Variants in AKR1B15 observed in about 807,000 individuals in gnomAD.
The protein encoded by AKR1B15 is aldo-keto reductase family 1 member B15.
Under a neutral mutation model 38.5 loss-of-function variants are expected in AKR1B15, and 49 were observed. The ratio of observed to expected loss-of-function variants is 1.27; its 90% confidence interval spans 1.01 to 1.62. The LOEUF (loss-of-function observed/expected upper bound fraction) is 1.62. Among genes scored for constraint, AKR1B15 ranks in the 40% most tolerant of loss-of-function variants. The probability of loss-of-function intolerance (pLI) is 0.00; values close to 1 mark genes in which losing one functional copy is unlikely to be tolerated. For synonymous variants in AKR1B15, 137 were observed against 135.5 expected (o/e 1.01, Z -0.08); for missense variants, 411 against 381.6 (o/e 1.08, Z -0.64).
At chr7:134,565,186 C>T in intron 3 of AKR1B15, 1 of 369,062 alleles carries the variant, frequency 2.7e-6, no homozygotes, top group Non-Finnish European at 4.9e-6. Flanking sequence ...CTTGCTGCTG[C>T]TCACTCTTTG....
rs181642398 is a variant in AKR1B15 at position 134,578,124 on chromosome 7, C to G, written c.992+338C>G. Among the ~76,000 whole-genome samples the G allele has an allele frequency of 8.5e-4, 130 of 152,232 alleles. 1 individual carries two copies. The highest frequency in any genetic ancestry group is 3.0e-3 in the African/African-American group (123 of 41,514). On this transcript the variant is annotated intron_variant, in intron 11 of 11. Coordinates refer to ENST00000457545, the MANE Select transcript of AKR1B15 (RefSeq NM_001080538.3). ...TTTTCTAGGTGCTTGGGTTATCATACTGTACAAAGCTGCTGCCTCCACAGG... is the reference window on the plus strand; with the variant it reads ...TTTTCTAGGTGCTTGGGTTATCATAGTGTACAAAGCTGCTGCCTCCACAGG...
In AKR1B15 at chr7:134,571,809, C is replaced by T. The variant is rs187323393; in HGVS notation, c.513+128C>T. On this transcript the variant is annotated intron_variant, in intron 6 of 11. Coordinates refer to ENST00000457545, the MANE Select transcript of AKR1B15 (RefSeq NM_001080538.3). ...TCATCATTGTGATTCTCTAGCTCTT[C>T]TAATATCCTCCTCATCACCTTTGGC... 2.0e-3 allele frequency: 1,523 copies of T among 764,846 alleles called. 1 individual carries two copies. The highest frequency in any genetic ancestry group is 3.1e-3 in the Non-Finnish European group (1,397 of 454,332). The allele number at this position is 764,846 out of a possible 1,614,324, so 47.4% of individuals were successfully genotyped here.
At chr7:134,555,063 C>A (rs1794144754) in intron 1 of AKR1B15, among the ~76,000 whole-genome samples, 1 of 152,220 alleles carries the variant, frequency 6.6e-6, no homozygotes, top group Admixed American at 6.5e-5. Flanking sequence ...CCTTACCAGG[C>A]TGGGTTTTCA....
At chr7:134,577,111 C>G (rs1191363859) in intron 10 of AKR1B15, 65 bp downstream of exon 10, 6 of 1,474,058 alleles carry the variant, frequency 4.1e-6, no homozygotes, top group Admixed American at 1.7e-5. Context: ...GACCTTCTCA[C>G]TAGGCTTCTC....
chr7:134,555,775 A>C (rs535719274), intron 1 of AKR1B15, among the ~76,000 whole-genome samples: 13 of 152,158 alleles, frequency 8.5e-5, no homozygotes, highest in Non-Finnish European at 1.5e-4. Flanking sequence ...CAGAAGCCAA[A>C]CTGGATGTGG....
At chr7:134,577,872 G>C (rs1794799739) in intron 11 of AKR1B15, 86 bp downstream of exon 11, 1 of 1,455,782 alleles carries the variant, frequency 6.9e-7, no homozygotes, top group African/African-American at 1.4e-5. Flanking sequence ...GAAGGTTGTT[G>C]GGACTACTTG....
At chr7:134,567,569 C>G (rs1479185278) in intron 3 of AKR1B15, among the ~76,000 whole-genome samples, 2 of 151,976 alleles carry the variant, frequency 1.3e-5, no homozygotes, top group East Asian at 1.9e-4. Context: ...TCCATTTTGC[C>G]GACAAGGTTT....
At chr7:134,578,380 T>G (rs1254410094) in intron 11 of AKR1B15, among the ~76,000 whole-genome samples, 1 of 152,092 alleles carries the variant, frequency 6.6e-6, no homozygotes, top group Non-Finnish European at 1.5e-5. Context: ...TAACAGCAGG[T>G]GCAAAGTCCC....
intron 2 of AKR1B15, among the ~76,000 whole-genome samples, chr7:134,563,120 C>A (rs1161030394): frequency 6.6e-6 from 1 of 152,016 alleles, no homozygotes; most frequent in African/African-American, 2.4e-5. Context: ...GATACTGTTA[C>A]CCAAGAGAAC....
intron 7 of AKR1B15, 126 bp downstream of exon 7, chr7:134,575,668 G>A: frequency 6.3e-7 from 1 of 1,577,232 alleles, no homozygotes; most frequent in Non-Finnish European, 8.6e-7. Flanking sequence ...CTTTGGGGAG[G>A]TGTGAGGCTG....
rs191960014 is a variant in AKR1B15 at position 134,568,162 on chromosome 7, T to C, written c.155T>C (p.Leu52Pro). 1.2e-6 allele frequency: 2 copies of C among 1,614,050 alleles called. 1 individual carries two copies. Among genetic ancestry groups the C allele is most frequent in the Admixed American group, 3.3e-5 (2 of 60,030 alleles). Residue 52 changes from leucine (L) to proline (P), a missense_variant, in exon 4 of 12, where the codon CTT becomes CCT. Transcript: ENST00000457545. ...GPLLRPYPAS[L>P]LGKVKEAVKV... is the part of the protein sequence containing the mutation. ...GGCTTTTCTTTTGCTTTTCAGTCTC[T>C]TCTCGGCAAAGTGAAAGAAGCGGTG...
rs777975080 is a variant in AKR1B15 at position 134,567,735 on chromosome 7, T to C, written c.151-423T>C. ...TTAGAGTCAAGCTTTCATCTGGGTCTTCAGAAAGTTGTAGTGGAGCCATCT... is the reference window on the plus strand; with the variant it reads ...TTAGAGTCAAGCTTTCATCTGGGTCCTCAGAAAGTTGTAGTGGAGCCATCT... On this transcript the variant is annotated intron_variant, in intron 3 of 11. Coordinates refer to ENST00000457545, the MANE Select transcript of AKR1B15 (RefSeq NM_001080538.3). Among the ~76,000 whole-genome samples, 11 of 152,284 alleles carry C rather than the reference T, an allele frequency of 7.2e-5. No individual in the cohort carries two copies. In the South Asian group the frequency reaches 2.1e-3, roughly 29 times the overall value.
intron 6 of AKR1B15, among the ~76,000 whole-genome samples, chr7:134,572,094 CG>C (rs1562951008): frequency 6.6e-6 from 1 of 152,112 alleles, no homozygotes; most frequent in East Asian, 1.9e-4. Flanking sequence ...ATATATCTTT[CG>C]GGGTGTGATA....
intron 6 of AKR1B15, among the ~76,000 whole-genome samples, chr7:134,574,467 C>T (rs1188292491): frequency 6.6e-6 from 1 of 152,168 alleles, no homozygotes; most frequent in African/African-American, 2.4e-5. Context: ...CCTTCTCTGC[C>T]TTTCTGACTC....
intron 6 of AKR1B15, 50 bp from the exon 7 acceptor site, chr7:134,575,370 T>C: frequency 3.1e-6 from 5 of 1,590,088 alleles, no homozygotes; most frequent in Non-Finnish European, 4.3e-6. Flanking sequence ...CAAGCCAGGG[T>C]CCCTGTAGTC....
chr7:134,567,136 G>A (rs1183502531), intron 3 of AKR1B15, among the ~76,000 whole-genome samples: 3 of 152,164 alleles, frequency 2.0e-5, no homozygotes, highest in Non-Finnish European at 4.4e-5. Flanking sequence ...CCCGTTTCTT[G>A]CCCAGGTGGT....
Position 134,565,550 on chromosome 7 carries a change from A to T in AKR1B15, c.150+781A>T, listed in dbSNP as rs372379609. On this transcript the variant is annotated intron_variant, in intron 3 of 11. Coordinates refer to ENST00000457545, the MANE Select transcript of AKR1B15 (RefSeq NM_001080538.3). ...TGTGGGCCTGGGCACTTGGAGGGTA[A>T]ATATGCAAATCTTTGCACAACTTTC... 7 of 1,613,634 alleles carry T rather than the reference A, an allele frequency of 4.3e-6. No individual in the cohort carries two copies. The African/African-American group carries it at 9.3e-5, about 22-fold the overall frequency.
Position 134,564,763 on chromosome 7 carries a change from T to A in AKR1B15, c.144T>A (p.Tyr48Ter), listed in dbSNP as rs1396438458. The A allele has an allele frequency of 8.8e-6, 6 of 679,126 alleles. No individual in the cohort carries two copies. The highest frequency in any genetic ancestry group is 1.8e-5 in the African/African-American group (1 of 56,464). The allele number at this position is 679,126 out of a possible 1,614,324, so 42.1% of individuals were successfully genotyped here. The change falls in exon 3 of 12, where the codon TAT becomes TAA. Residue 48 changes from tyrosine to a stop codon, truncating the protein, a stop_gained. Coordinates refer to ENST00000457545, the MANE Select transcript of AKR1B15 (RefSeq NM_001080538.3). LOFTEE classifies it high-confidence loss of function. Reference sequence around the variant, plus strand: ...GTGCAGGGCCCCTTCTTCGCCCCTATCCAGCAGTAAGTGGCTAGAGAGGTC... The same window carrying A: ...GTGCAGGGCCCCTTCTTCGCCCCTAACCAGCAGTAAGTGGCTAGAGAGGTC... ...TTSAGPLLRP[Y>*]PASLLGKVKE... is the part of the protein sequence containing the mutation.
At chr7:134,576,494 T>C in intron 9 of AKR1B15, 64 bp downstream of exon 9, 1 of 1,576,420 alleles carries the variant, frequency 6.3e-7, no homozygotes, top group East Asian at 2.3e-5. Context: ...GTTTCATTTC[T>C]CGTGTTGTCC....
Sources: allele counts gnomAD v4.1 joint callset (sites outside exome capture counted in the v4.1 genomes callset), GRCh38; gene constraint gnomAD v4.1.1; transcripts MANE v1.5; gene names NCBI Gene and HGNC (gene_info 2026-07-23, HGNC 2026-07-21).